DPP10: variants seen among roughly 807,000 people sequenced by gnomAD.
DPP10 encodes inactive dipeptidyl peptidase 10.
DPP10 carries 33 observed loss-of-function variants against 120.9 expected under a neutral mutation model. The ratio of observed to expected loss-of-function variants is 0.27; its 90% CI spans 0.21 to 0.37. The LOEUF is 0.37. Among genes scored for constraint, DPP10 ranks in the 10% least tolerant of loss-of-function variants. The pLI is 1.00. For missense variants in DPP10, 816 were observed against 942.8 expected (o/e 0.87, Z 1.76); for synonymous variants, 337 against 326.1 (o/e 1.03, Z -0.36).
intron 1 of DPP10, among the ~76,000 whole-genome samples, chr2:115,122,409 C>T (rs2049871270): frequency 1.3e-5 from 2 of 152,204 alleles, no homozygotes; most frequent in South Asian, 4.1e-4. Flanking sequence ...TGGGACCAGC[C>T]TTCATCTCTG....
At chr2:115,340,912 A>G (rs1365372922) in intron 2 of DPP10, among the ~76,000 whole-genome samples, 1 of 152,106 alleles carries the variant, frequency 6.6e-6, no homozygotes, top group South Asian at 2.1e-4. Flanking sequence ...TCAAATATAG[A>G]TGATAAAATA....
intron 1 of DPP10, among the ~76,000 whole-genome samples, chr2:114,794,657 T>C (rs17787056): frequency 0.042 from 6,465 of 152,264 alleles, 178 homozygotes; most frequent in South Asian, 0.099. Context: ...TAATCAATAC[T>C]TGAGCAAAAA....
chr2:114,961,792 A>T (rs182299371), intron 1 of DPP10, among the ~76,000 whole-genome samples: 1 of 152,096 alleles, frequency 6.6e-6, no homozygotes, highest in South Asian at 2.1e-4. Flanking sequence ...TGTCTGGACT[A>T]AAAATACAAA....
At chr2:114,728,334 G>A (rs575561680) in intron 1 of DPP10, among the ~76,000 whole-genome samples, 1 of 152,098 alleles carries the variant, frequency 6.6e-6, no homozygotes, top group Non-Finnish European at 1.5e-5. Flanking sequence ...ACTTGTCAAG[G>A]GCTCCAAGAT....
intron 2 of DPP10, among the ~76,000 whole-genome samples, chr2:115,329,412 A>C (rs2062568837): frequency 6.6e-6 from 1 of 151,946 alleles, no homozygotes; most frequent in African/African-American, 2.4e-5. Context: ...ATACAGGGAT[A>C]ATCTGAGTCA....
chr2:115,150,058 T>C (rs889206321), intron 1 of DPP10, among the ~76,000 whole-genome samples: 5 of 152,174 alleles, frequency 3.3e-5, no homozygotes, highest in African/African-American at 1.2e-4. Context: ...GCTTTACTGC[T>C]GTGAAGGTCA....
chr2:114,748,901 T>C (rs1261397688), intron 1 of DPP10, among the ~76,000 whole-genome samples: 6 of 113,522 alleles, frequency 5.3e-5, no homozygotes, highest in Admixed American at 5.0e-4. Flanking sequence ...TGATTTATAG[T>C]CATTTGGGTA....
intron 5 of DPP10, among the ~76,000 whole-genome samples, chr2:115,600,219 C>T (rs770079312): frequency 5.0e-4 from 76 of 152,248 alleles, no homozygotes; most frequent in Non-Finnish European, 5.9e-4. Flanking sequence ...CTTGCTTCAT[C>T]CTCCAAAGCC....
intron 1 of DPP10, among the ~76,000 whole-genome samples, chr2:114,527,503 C>G (rs185583273): frequency 6.6e-6 from 1 of 152,232 alleles, no homozygotes; most frequent in Admixed American, 6.6e-5. Flanking sequence ...CCAGAAGTTA[C>G]TGTATCTAGT....
chr2:115,715,055 A>T (rs1400659320), intron 7 of DPP10, among the ~76,000 whole-genome samples: 5 of 146,296 alleles, frequency 3.4e-5, no homozygotes, highest in Non-Finnish European at 6.0e-5. Flanking sequence ...AAAAATTATG[A>T]AAAGCCAGGC....
chr2:114,899,963 AAAAC>A lies in DPP10; in HGVS notation c.61-409264_61-409261del, dbSNP rs371701797. 8.5e-5 allele frequency among the ~76,000 whole-genome samples: 13 copies of A among 152,388 alleles called. No homozygotes were observed. In the East Asian group the frequency reaches 1.9e-3, roughly 23 times the overall value. ...TGACAGAGCGAGACTCCGTCTCAAAAAAACAAACAAACAAAAAAGATTTATTCGT... is the reference window on the plus strand; with the variant it reads ...TGACAGAGCGAGACTCCGTCTCAAAAAAACAAACAAAAAAGATTTATTCGT... On this transcript the variant is annotated intron_variant, in intron 1 of 25. Coordinates refer to ENST00000410059, the MANE Select transcript of DPP10 (RefSeq NM_020868.6).
chr2:115,192,437 A>G (rs1300772244), intron 1 of DPP10, among the ~76,000 whole-genome samples: 1 of 152,194 alleles, frequency 6.6e-6, no homozygotes, highest in African/African-American at 2.4e-5. Flanking sequence ...ATGCACCCAT[A>G]AACTCTGAGG....
chr2:114,726,796 T>C (rs1183516719), intron 1 of DPP10, among the ~76,000 whole-genome samples: 1 of 152,208 alleles, frequency 6.6e-6, no homozygotes, highest in African/African-American at 2.4e-5. Context: ...ATTGCAAGGA[T>C]AAGCTCATTT....
intron 21 of DPP10, among the ~76,000 whole-genome samples, chr2:115,833,812 C>T (rs765485238): frequency 3.3e-5 from 5 of 152,008 alleles, no homozygotes; most frequent in Non-Finnish European, 7.4e-5. Context: ...GGTAAATATC[C>T]CTAAATTTTA....
At chr2:115,666,729 C>A (rs2089486601) in intron 5 of DPP10, among the ~76,000 whole-genome samples, 1 of 152,084 alleles carries the variant, frequency 6.6e-6, no homozygotes, top group Non-Finnish European at 1.5e-5. Context: ...ACGTGTTCCT[C>A]TGTCTTTATG....
intron 1 of DPP10, among the ~76,000 whole-genome samples, chr2:115,046,247 G>C (rs1705062658): frequency 6.6e-6 from 1 of 152,148 alleles, no homozygotes; most frequent in Admixed American, 6.6e-5. Flanking sequence ...GACCATGTCA[G>C]CAATGACAAT....
chr2:115,592,714 C>T (rs571631138), intron 5 of DPP10, among the ~76,000 whole-genome samples: 2 of 152,136 alleles, frequency 1.3e-5, no homozygotes, highest in South Asian at 2.1e-4. Context: ...CGAGATTGTG[C>T]CACTGCACTC....
At chr2:115,676,110 C>T (rs944386942) in intron 5 of DPP10, among the ~76,000 whole-genome samples, 5 of 152,176 alleles carry the variant, frequency 3.3e-5, no homozygotes, top group African/African-American at 1.2e-4. Context: ...AACACCACAA[C>T]CAGCAATTAC....
chr2:115,335,204 C>G (rs1021833256), intron 2 of DPP10, among the ~76,000 whole-genome samples: 7 of 152,010 alleles, frequency 4.6e-5, no homozygotes, highest in Non-Finnish European at 8.8e-5. Flanking sequence ...AGACCTGACC[C>G]CATATTTCAG....
Sources: allele counts gnomAD v4.1 joint callset (sites outside exome capture counted in the v4.1 genomes callset), GRCh38; gene constraint gnomAD v4.1.1; transcripts MANE v1.5; gene names NCBI Gene and HGNC (gene_info 2026-07-23, HGNC 2026-07-21).